ST18: variants seen among roughly 807,000 people sequenced by gnomAD.
The protein encoded by ST18 is ST18 C2H2C-type zinc finger transcription factor.
ST18 carries 50 observed loss-of-function variants against 110.0 expected under a neutral mutation model. That is an observed-to-expected ratio of 0.45 (90% CI 0.36 to 0.58). The LOEUF (loss-of-function observed/expected upper bound fraction) is 0.58, where lower values mean the gene tolerates loss of function less well. ST18 is among the 20% of genes least tolerant of loss of function. ST18 has a pLI of 0.00. For synonymous variants in ST18, 461 were observed against 452.4 expected (o/e 1.02, Z -0.24); for missense variants, 1,306 against 1,280.1 (o/e 1.02, Z -0.31).
chr8:52,171,698 T>TA, intron 10 of ST18, 94 bp downstream of exon 10: 1 of 1,393,284 alleles, frequency 7.2e-7, no homozygotes, highest in Admixed American at 1.9e-5. Context: ...ATTAAACTGT[T>TA]AAAAAGCTAC....
chr8:52,142,806 T>C, intron 17 of ST18, 124 bp downstream of exon 17: 1 of 687,020 alleles, frequency 1.5e-6, no homozygotes, highest in East Asian at 2.5e-5. Flanking sequence ...GTTTAACGTT[T>C]AACTGCTGAC....
chr8:52,253,834 A>C (rs761747084), intron 2 of ST18, among the ~76,000 whole-genome samples: 27 of 152,134 alleles, frequency 1.8e-4, no homozygotes, highest in Admixed American at 3.9e-4. Context: ...GCAAATTTGC[A>C]CGTTTCAAAA....
At position 52,405,069 on chromosome 8, in the gene ST18, G is replaced by A. The variant is rs576133301; in HGVS notation, c.-465+4259C>T. 7 of 152,206 alleles carry A rather than the reference G, an allele frequency of 4.6e-5. No individual in the cohort carries two copies. In the East Asian group the frequency reaches 5.8e-4, roughly 13 times the overall value. 9.4% of individuals were successfully genotyped at this position (152,206 alleles called of 1,614,324 possible). On this transcript the variant is annotated intron_variant, in intron 2 of 25. Transcript: ENST00000689386. Reference sequence around the variant, plus strand: ...AGATTAGTCTTTAGCTTATACAAACGTTATGCTTATTAATTCAGAATATTC... The same window carrying A: ...AGATTAGTCTTTAGCTTATACAAACATTATGCTTATTAATTCAGAATATTC...
At chr8:52,399,063 G>C (rs1198369733) in intron 2 of ST18, among the ~76,000 whole-genome samples, 2 of 151,934 alleles carry the variant, frequency 1.3e-5, no homozygotes, top group African/African-American at 4.8e-5. Flanking sequence ...AAGCCAACTG[G>C]TCCTGGGCTT....
chr8:52,147,354 T>C (rs2057599678), intron 16 of ST18, among the ~76,000 whole-genome samples: 3 of 152,182 alleles, frequency 2.0e-5, no homozygotes, highest in Admixed American at 2.0e-4. Flanking sequence ...TCTGGCTTTC[T>C]GGGTGATAAG....
At chr8:52,330,990 A>G (rs997459446) in intron 2 of ST18, among the ~76,000 whole-genome samples, 1 of 152,172 alleles carries the variant, frequency 6.6e-6, no homozygotes, top group African/African-American at 2.4e-5. Flanking sequence ...AGGGGCAGGC[A>G]GAGGCAAGCA....
At chr8:52,340,877 A>T (rs543323406) in intron 2 of ST18, among the ~76,000 whole-genome samples, 2 of 152,216 alleles carry the variant, frequency 1.3e-5, no homozygotes, top group Non-Finnish European at 2.9e-5. Flanking sequence ...CTTAGCAACA[A>T]TGAGAAGGGC....
chr8:52,317,393 C>T (rs1403113073), intron 2 of ST18, among the ~76,000 whole-genome samples: 1 of 152,182 alleles, frequency 6.6e-6, no homozygotes, highest in African/African-American at 2.4e-5. Flanking sequence ...ACACCTGGAA[C>T]CACCAGAAGC....
chr8:52,220,167 A>C (rs1445186029), intron 5 of ST18, among the ~76,000 whole-genome samples: 3 of 152,178 alleles, frequency 2.0e-5, no homozygotes, highest in African/African-American at 4.8e-5. Context: ...AACACACTAA[A>C]AGGGCCTTTA....
Position 52,172,436 on chromosome 8 carries a change from A to C in ST18, c.425T>G (p.Val142Gly), listed in dbSNP as rs866236372. 3 of 1,613,808 alleles carry C rather than the reference A, an allele frequency of 1.9e-6. No individual in the cohort carries two copies. The highest frequency in any genetic ancestry group is 2.5e-6 in the Non-Finnish European group (3 of 1,180,040). Residue 142 changes from valine to glycine, a missense_variant, in exon 10 of 26, where the codon GTT becomes GGT. Coordinates refer to ENST00000689386, the MANE Select transcript of ST18 (RefSeq NM_001352837.2). The stretch of plus-strand genomic sequence containing the variant: ...ATTTAAATTTTCACTTACAGTCTGA[A>C]CAGATACATTTTTTTCAAATTTCCC... ...HLGKFEKNVSVQTVSENLNDS... is the reference protein window; with the variant it reads ...HLGKFEKNVSGQTVSENLNDS...
chr8:52,198,565 T>C (rs2076930977), intron 8 of ST18, among the ~76,000 whole-genome samples: 1 of 152,184 alleles, frequency 6.6e-6, no homozygotes, highest in Non-Finnish European at 1.5e-5. Context: ...TGGAGTAATA[T>C]TTAAAAGGAG....
chr8:52,214,961 T>A (rs2083586155), intron 6 of ST18, among the ~76,000 whole-genome samples: 1 of 152,202 alleles, frequency 6.6e-6, no homozygotes, highest in Non-Finnish European at 1.5e-5. Flanking sequence ...AAGCCTGTTG[T>A]TTTCAGACTC....
chr8:52,133,282 C>T lies in ST18; in HGVS notation c.2320G>A (p.Asp774Asn), dbSNP rs779232229. The T allele has an allele frequency of 9.9e-6, 16 of 1,614,114 alleles. No individual in the cohort carries two copies. The highest frequency in any genetic ancestry group is 1.6e-4 in the Middle Eastern group (1 of 6,062). ...QELKCPTPGC[D>N]GSGHVTGNYA... ...TTTCCAGTCACGTGCCCCGAGCCAT[C>T]GCAGCCTGGGGTTGGACACCTGGAA... The change falls in exon 20 of 26, where the codon GAT (aspartate) becomes AAT (asparagine). Residue 774 changes from aspartate (D) to asparagine (N), a missense_variant. Asp to Asn is a conservative substitution (Grantham distance 23). Coordinates refer to ENST00000689386, the MANE Select transcript of ST18 (RefSeq NM_001352837.2).
chr8:52,296,279 C>CT (rs970589264), intron 2 of ST18: 1 of 152,118 alleles, frequency 6.6e-6, no homozygotes, highest in African/African-American at 2.4e-5. Context: ...GAACAGACAC[C>CT]TTTTATTGAC....
At chr8:52,160,280 G>A (rs1432328417) in intron 14 of ST18, among the ~76,000 whole-genome samples, 2 of 152,176 alleles carry the variant, frequency 1.3e-5, no homozygotes, top group Non-Finnish European at 2.9e-5. Context: ...CTAACAGGTT[G>A]TTAGTGGTTA....
At chr8:52,343,136 G>C (rs1291983107) in intron 2 of ST18, among the ~76,000 whole-genome samples, 5 of 152,250 alleles carry the variant, frequency 3.3e-5, no homozygotes, top group African/African-American at 9.6e-5. Flanking sequence ...CAAGAGACTG[G>C]AGGGCTCAGA....
intron 2 of ST18, among the ~76,000 whole-genome samples, chr8:52,235,268 T>A (rs1032960547): frequency 6.6e-6 from 1 of 152,144 alleles, no homozygotes; most frequent in Non-Finnish European, 1.5e-5. Context: ...TCTCCTGAAC[T>A]CCTCCTGCCC....
chr8:52,307,843 G>T (rs1026808001), intron 2 of ST18, among the ~76,000 whole-genome samples: 1 of 152,120 alleles, frequency 6.6e-6, no homozygotes, highest in East Asian at 1.9e-4. Flanking sequence ...TATCTTGCAC[G>T]TATAACTTGA....
At chr8:52,161,291 G>C in intron 14 of ST18, 84 bp downstream of exon 14, 1 of 1,412,234 alleles carries the variant, frequency 7.1e-7, no homozygotes, top group Non-Finnish European at 9.7e-7. Flanking sequence ...ATATATTTAA[G>C]TACAGCCCCC....
Sources: gnomAD v4.1 joint callset for allele counts (sites outside exome capture counted in the v4.1 genomes callset) on GRCh38, gnomAD v4.1.1 for gene constraint, MANE v1.5 for transcripts, NCBI Gene and HGNC (gene_info 2026-07-23, HGNC 2026-07-21) for gene names.